The following TBXAS1 variants were observed in gnomAD, a reference collection of about 807,000 sequenced individuals.
The protein encoded by TBXAS1 is thromboxane-A synthase.
In TBXAS1, 48 loss-of-function variants were observed where a neutral mutation model predicts 60.7. The ratio of observed to expected loss-of-function variants is 0.79; its 90% CI spans 0.63 to 1.01. TBXAS1 has a LOEUF of 1.01. TBXAS1 is among the 50% of genes least tolerant of loss of function. The pLI, the probability that TBXAS1 is intolerant of heterozygous loss-of-function variation, is 0.00. For missense variants in TBXAS1, 685 were observed against 686.3 expected (o/e 1.00, Z 0.02); for synonymous variants, 287 against 269.7 (o/e 1.06, Z -0.63).
At chr7:139,995,939 G>A (rs895911826) in intron 9 of TBXAS1, among the ~76,000 whole-genome samples, 1 of 151,930 alleles carries the variant, frequency 6.6e-6, no homozygotes, top group African/African-American at 2.4e-5. Context: ...CTCATCCTGC[G>A]ACCCCACTGA....
intron 4 of TBXAS1, among the ~76,000 whole-genome samples, chr7:139,805,761 T>TG (rs1797857023): frequency 2.7e-5 from 4 of 147,140 alleles, no homozygotes; most frequent in African/African-American, 1.0e-4. Flanking sequence ...TTTCTTGTCT[T>TG]TCTTTCTTTC....
intron 9 of TBXAS1, among the ~76,000 whole-genome samples, chr7:139,993,892 CTTTTTTTT>C (rs71170931): frequency 1.8e-5 from 2 of 111,704 alleles, no homozygotes; most frequent in Non-Finnish European, 3.5e-5. Context: ...TTCTTTCTTT[CTTTTTTTT>C]TTTTTTTTTT....
intron 4 of TBXAS1, among the ~76,000 whole-genome samples, chr7:139,817,196 T>G (rs74336483): frequency 6.6e-6 from 1 of 152,134 alleles, no homozygotes; most frequent in East Asian, 1.9e-4. Context: ...TCTCCCTTGC[T>G]GCTGTCTCCC....
At chr7:139,951,950 A>AAAAAGAAAGAAAG (rs1221006411) in intron 5 of TBXAS1, among the ~76,000 whole-genome samples, 40 of 41,994 alleles carry the variant, frequency 9.5e-4, no homozygotes, top group Middle Eastern at 0.013. Flanking sequence ...GGAAAGAAAG[A>AAAAAGAAAGAAAG]AAAGAAAGAA....
rs754978014 is a variant in TBXAS1, at chr7:140,007,140, T to A, written c.1184T>A (p.Met395Lys). Residue 395 changes from methionine (M) to lysine (K), a missense_variant, in exon 10 of 13, where the codon ATG (methionine) becomes AAG (lysine). By Grantham distance (95) the Met-to-Lys change is moderately conservative. Transcript: ENST00000448866. ...SLEEGLPYLD[M>K]VIAETLRMYP... is the part of the protein sequence containing the mutation. ...GAGGAAGGCCTGCCCTATCTGGACA[T>A]GGTGATTGCAGAGACGCTGAGGATG... 7.5e-5 allele frequency: 121 copies of A among 1,613,998 alleles called. No individual in the cohort carries two copies. The highest frequency in any genetic ancestry group is 1.0e-4 in the Non-Finnish European group (120 of 1,180,022).
intron 4 of TBXAS1, among the ~76,000 whole-genome samples, chr7:139,790,248 G>T (rs1041649717): frequency 1.3e-5 from 2 of 152,210 alleles, no homozygotes; most frequent in Non-Finnish European, 2.9e-5. Context: ...AGTTTAAAAT[G>T]CAAGTAGGGA....
At chr7:140,014,365 G>A (rs1362733732) in intron 10 of TBXAS1, among the ~76,000 whole-genome samples, 1 of 152,180 alleles carries the variant, frequency 6.6e-6, no homozygotes, top group Admixed American at 6.5e-5. Context: ...GACCGCCCAG[G>A]GAAGAGGCCG....
intron 11 of TBXAS1, among the ~76,000 whole-genome samples, chr7:140,016,141 A>T (rs1422701890): frequency 6.6e-6 from 1 of 152,052 alleles, no homozygotes; most frequent in Admixed American, 6.5e-5. Flanking sequence ...ATCCTGGCTA[A>T]CACGGTGAAA....
At chr7:139,984,748 AAAAGAAAGAAAGAAAGCAGG>A (rs1179855892) in intron 9 of TBXAS1, among the ~76,000 whole-genome samples, 3 of 133,966 alleles carry the variant, frequency 2.2e-5, no homozygotes, top group Non-Finnish European at 4.8e-5. Flanking sequence ...GAAGAAAAAG[AAAAGAAAGAAAGAAAGCAGG>A]AAAGAAAGAA....
chr7:139,827,051 A>C (rs1179153705), upstream of TBXAS1, among the ~76,000 whole-genome samples: 1 of 151,304 alleles, frequency 6.6e-6, no homozygotes, highest in African/African-American at 2.4e-5. Context: ...GCATGAACCC[A>C]CCCCCAAAAT....
chr7:139,997,004 G>A (rs962810075), intron 9 of TBXAS1, among the ~76,000 whole-genome samples: 4 of 152,076 alleles, frequency 2.6e-5, no homozygotes, highest in Admixed American at 6.6e-5. Context: ...CCTACATGTC[G>A]TTGTCAGATC....
At chr7:139,784,295 C>A (rs1797113192) in intron 3 of TBXAS1, among the ~76,000 whole-genome samples, 1 of 150,916 alleles carries the variant, frequency 6.6e-6, no homozygotes, top group Non-Finnish European at 1.5e-5. Flanking sequence ...CTGAGAAAAT[C>A]AATTCATCAA....
intron 9 of TBXAS1, among the ~76,000 whole-genome samples, chr7:139,985,759 T>C (rs1442540201): frequency 6.6e-6 from 1 of 152,196 alleles, no homozygotes; most frequent in African/African-American, 2.4e-5. Flanking sequence ...AGACCCACTA[T>C]AGCATCCCCC....
intron 10 of TBXAS1, among the ~76,000 whole-genome samples, chr7:140,015,006 A>G (rs190495563): frequency 3.3e-5 from 5 of 152,288 alleles, no homozygotes; most frequent in Non-Finnish European, 5.9e-5. Context: ...GGTAAACGAT[A>G]CATGGGTATC....
At chr7:140,012,804 A>G (rs779068335) in intron 10 of TBXAS1, among the ~76,000 whole-genome samples, 3 of 152,200 alleles carry the variant, frequency 2.0e-5, no homozygotes, top group South Asian at 4.1e-4. Context: ...CTCGAAGTCC[A>G]AAAGTCTACC....
At chr7:139,843,875 C>A (rs1799630606) in intron 1 of TBXAS1, among the ~76,000 whole-genome samples, 1 of 152,288 alleles carries the variant, frequency 6.6e-6, no homozygotes, top group Non-Finnish European at 1.5e-5. Flanking sequence ...AGGGTAGAAT[C>A]AGTCTCCCCC....
chr7:139,880,973 T>G (rs1802647916), intron 3 of TBXAS1, among the ~76,000 whole-genome samples: 1 of 152,236 alleles, frequency 6.6e-6, no homozygotes. Context: ...GTGGTCACAA[T>G]TTTAAATCTT....
At chr7:139,963,177 C>T (rs1466283563) in intron 9 of TBXAS1, 2 of 152,218 alleles carry the variant, frequency 1.3e-5, no homozygotes, top group East Asian at 3.8e-4. Context: ...ATTGTCTTAA[C>T]TTTAGGCTCA....
rs373384185 is a variant in TBXAS1 at position 139,858,544 on chromosome 7, ATGTC to A, written c.90-13684_90-13681del. On this transcript the variant is annotated intron_variant, in intron 1 of 12. Transcript: ENST00000448866. ...TTAACTGTTTGTCAGTAGCCATTGAATGTCTGTCTGGTCCACTAGGCTGTAAGTG... is the reference window on the plus strand; with the variant it reads ...TTAACTGTTTGTCAGTAGCCATTGAATGTCTGGTCCACTAGGCTGTAAGTG... Among the ~76,000 whole-genome samples the A allele has an allele frequency of 7.5e-3, 1,140 of 152,318 alleles. 20 individuals are homozygous for A. The highest frequency in any genetic ancestry group is 0.026 in the African/African-American group (1,077 of 41,566).
Sources: gnomAD v4.1 joint callset for allele counts (sites outside exome capture counted in the v4.1 genomes callset) on GRCh38, gnomAD v4.1.1 for gene constraint, MANE v1.5 for transcripts, NCBI Gene and HGNC (gene_info 2026-07-23, HGNC 2026-07-21) for gene names.